ENTPD5: variants seen among roughly 807,000 people sequenced by gnomAD.
ENTPD5 encodes the protein ectonucleoside triphosphate diphosphohydrolase 5 (inactive).
In ENTPD5, 49 loss-of-function variants were observed where a neutral mutation model predicts 60.2. That is an observed-to-expected ratio of 0.81 (90% confidence interval 0.65 to 1.03). The LOEUF is 1.03. ENTPD5 is among the 50% of genes least tolerant of loss of function. The pLI is 0.00. For missense variants in ENTPD5, 480 were observed against 507.6 expected (o/e 0.95, Z 0.52); for synonymous variants, 187 against 185.4 (o/e 1.01, Z -0.07).
chr14:73,996,331 C>T, intron 3 of ENTPD5: 2 of 301,924 alleles, frequency 6.6e-6, no homozygotes, highest in African/African-American at 2.3e-5. Context: ...CGTTCATCTA[C>T]TTTTATCATA....
intron 4 of ENTPD5, 68 bp downstream of exon 4, chr14:73,987,818 T>C (rs938437037): frequency 7.0e-7 from 1 of 1,438,486 alleles, no homozygotes; most frequent in African/African-American, 1.4e-5. Context: ...TCTCAGCATA[T>C]TTGTTTCTGG....
chr14:73,991,607 C>A (rs933179716), intron 3 of ENTPD5, among the ~76,000 whole-genome samples: 7 of 75,508 alleles, frequency 9.3e-5, no homozygotes, highest in Non-Finnish European at 1.6e-4. Flanking sequence ...AAAACAATAA[C>A]CAAAAAAAAA....
chr14:73,973,747 G>A, intron 12 of ENTPD5, 130 bp downstream of exon 12: 1 of 733,962 alleles, frequency 1.4e-6, no homozygotes, highest in Non-Finnish European at 2.3e-6. Context: ...TTGGAGGCAT[G>A]CCAAGATCTT....
chr14:73,993,643 C>T (rs374510830), intron 3 of ENTPD5, among the ~76,000 whole-genome samples: 1 of 152,188 alleles, frequency 6.6e-6, no homozygotes, highest in African/African-American at 2.4e-5. Context: ...ACAGAAACAA[C>T]TCTTCAGAGT....
intron 3 of ENTPD5, among the ~76,000 whole-genome samples, chr14:74,003,211 T>C (rs2058564398): frequency 6.6e-6 from 1 of 152,210 alleles, no homozygotes; most frequent in African/African-American, 2.4e-5. Context: ...GAAAGCTTAC[T>C]GATATTTATT....
intron 15 of ENTPD5, among the ~76,000 whole-genome samples, chr14:73,967,302 T>C (rs1471216909): frequency 4.6e-5 from 7 of 152,224 alleles, no homozygotes; most frequent in African/African-American, 1.7e-4. Context: ...CAGACAGTAT[T>C]CTGAACTTTC....
chr14:73,968,347 G>T (rs2057073448), intron 15 of ENTPD5, among the ~76,000 whole-genome samples: 1 of 151,952 alleles, frequency 6.6e-6, no homozygotes, highest in Non-Finnish European at 1.5e-5. Flanking sequence ...GAGGCCAAAT[G>T]ATAGAGGAGT....
chr14:73,961,104 C>T, downstream of ENTPD5: 2 of 1,532,546 alleles, frequency 1.3e-6, no homozygotes, highest in Non-Finnish European at 1.8e-6. Flanking sequence ...AACAAGGTTT[C>T]TTTATTGAAT....
Position 73,996,110 on chromosome 14 carries a change from G to T in ENTPD5, c.-70-7938C>A, listed in dbSNP as rs557415772. The T allele has an allele frequency of 7.1e-6, 7 of 984,280 alleles. No individual in the cohort carries two copies. The South Asian group carries it at 3.3e-4, about 46-fold the overall frequency. 61.0% of individuals were successfully genotyped at this position (984,280 alleles called of 1,614,324 possible). A position where few individuals can be genotyped will look rare whatever the true frequency, so the allele number is the denominator to read the frequency against. On this transcript the variant is annotated intron_variant, in intron 3 of 15. Coordinates refer to ENST00000334696, the MANE Select transcript of ENTPD5 (RefSeq NM_001249.5). ...CTGGGCCCCATTCATGTGCTCACCT[G>T]CTTGTGTCTGCCGGTTCCCTGAGTC...
chr14:73,960,545 A>G (rs2056667804), downstream of ENTPD5: 15 of 1,006,040 alleles, frequency 1.5e-5, no homozygotes, highest in Non-Finnish European at 1.7e-5. Context: ...ACTCTGGGCC[A>G]TTTAGTATAT....
chr14:73,986,694 A>C, intron 5 of ENTPD5, 120 bp downstream of exon 5: 2 of 741,852 alleles, frequency 2.7e-6, no homozygotes, highest in South Asian at 1.7e-5. Context: ...TGAGGAGAGA[A>C]AGCTGATCTC....
At chr14:73,962,162 G>T (rs1312117172), downstream of ENTPD5, among the ~76,000 whole-genome samples, 2 of 151,892 alleles carry the variant, frequency 1.3e-5, no homozygotes, top group Non-Finnish European at 2.9e-5. Context: ...TGGCCAAGCT[G>T]GTCTTGAACT....
downstream of ENTPD5, chr14:73,961,487 G>A: frequency 1.2e-6 from 2 of 1,614,194 alleles, no homozygotes; most frequent in Non-Finnish European, 1.7e-6. Flanking sequence ...CCGCTTGCAG[G>A]ACAGGGTGTC....
chr14:73,962,783 C>T, downstream of ENTPD5: 1 of 618,502 alleles, frequency 1.6e-6, no homozygotes, highest in East Asian at 2.8e-5. Flanking sequence ...CACCACTGCA[C>T]TCCAGCCCAG....
chr14:73,982,499 G>GT (rs1342535807), intron 6 of ENTPD5, among the ~76,000 whole-genome samples: 1 of 152,082 alleles, frequency 6.6e-6, no homozygotes, highest in East Asian at 1.9e-4. Context: ...GCTCATGCCT[G>GT]TAATTCCAGC....
At chr14:73,970,800 T>A (rs1242012190) in intron 14 of ENTPD5, among the ~76,000 whole-genome samples, 2 of 152,188 alleles carry the variant, frequency 1.3e-5, no homozygotes, top group Non-Finnish European at 2.9e-5. Flanking sequence ...CATTTGTATT[T>A]TATTTTTTAA....
intron 15 of ENTPD5, among the ~76,000 whole-genome samples, chr14:73,969,161 C>G (rs2140467784): frequency 6.6e-6 from 1 of 152,292 alleles, no homozygotes; most frequent in Admixed American, 6.5e-5. Context: ...CCAAATAGGG[C>G]AAGTTTGTGT....
At chr14:73,985,848 C>T (rs568320074) in intron 5 of ENTPD5, among the ~76,000 whole-genome samples, 26 of 151,916 alleles carry the variant, frequency 1.7e-4, no homozygotes, top group African/African-American at 5.1e-4. Flanking sequence ...CTGACATGGG[C>T]GGATCACAAG....
At chr14:73,967,279 G>C (rs2057016353) in intron 15 of ENTPD5, among the ~76,000 whole-genome samples, 1 of 152,210 alleles carries the variant, frequency 6.6e-6, no homozygotes, top group South Asian at 2.1e-4. Context: ...GCCTTCTAGA[G>C]AGATAGTTTA....
Sources: allele counts gnomAD v4.1 joint callset (sites outside exome capture counted in the v4.1 genomes callset), GRCh38; gene constraint gnomAD v4.1.1; transcripts MANE v1.5; gene names NCBI Gene and HGNC (gene_info 2026-07-23, HGNC 2026-07-21).